The following MTUS1 variants were observed in gnomAD, a reference collection of about 807,000 sequenced individuals.
MTUS1 encodes microtubule-associated tumor suppressor 1.
Under a neutral mutation model 120.8 loss-of-function variants are expected in MTUS1, and 109 were observed. That is an observed-to-expected ratio of 0.90 (90% CI 0.77 to 1.06). The LOEUF (loss-of-function observed/expected upper bound fraction) is 1.06. MTUS1 is among the 50% of genes least tolerant of loss of function. The pLI is 0.00. For synonymous variants in MTUS1, 737 were observed against 550.5 expected (o/e 1.34, Z -4.74); for missense variants, 2,210 against 1,486.3 (o/e 1.49, Z -8.01).
intron 8 of MTUS1, among the ~76,000 whole-genome samples, chr8:17,673,093 C>G (rs982547242): frequency 1.3e-5 from 2 of 152,180 alleles, no homozygotes; most frequent in African/African-American, 4.8e-5. Flanking sequence ...AAAAAGGCCT[C>G]TTTCCTGATC....
intron 6 of MTUS1, among the ~76,000 whole-genome samples, chr8:17,705,275 T>C (rs1224666814): frequency 2.0e-5 from 3 of 152,208 alleles, no homozygotes; most frequent in Non-Finnish European, 1.5e-5. Context: ...TGAGCCACCA[T>C]GCACAGCCTG....
intron 7 of MTUS1, among the ~76,000 whole-genome samples, chr8:17,683,492 A>T (rs1209838717): frequency 6.6e-6 from 1 of 151,918 alleles, no homozygotes; most frequent in Non-Finnish European, 1.5e-5. Flanking sequence ...TTTTTTCCCT[A>T]TGTTGCTCAG....
At chr8:17,655,643 GA>G (rs1193019251) in intron 9 of MTUS1, among the ~76,000 whole-genome samples, 1 of 152,110 alleles carries the variant, frequency 6.6e-6, no homozygotes, top group African/African-American at 2.4e-5. Flanking sequence ...AGAATCACTT[GA>G]ACCCGGGAGG....
intron 1 of MTUS1, among the ~76,000 whole-genome samples, chr8:17,790,438 A>G (rs2051681675): frequency 6.6e-6 from 1 of 152,230 alleles, no homozygotes; most frequent in South Asian, 2.1e-4. Flanking sequence ...TGAGATACAA[A>G]AAATCTAATT....
intron 13 of MTUS1, among the ~76,000 whole-genome samples, chr8:17,647,652 TCTC>T (rs2130006797): frequency 6.6e-6 from 1 of 152,210 alleles, no homozygotes; most frequent in African/African-American, 2.4e-5. Flanking sequence ...ATGCCACGAG[TCTC>T]CTCAGGTCAG....
intron 1 of MTUS1, among the ~76,000 whole-genome samples, chr8:17,764,340 T>G (rs1014292308): frequency 3.3e-5 from 5 of 151,698 alleles, no homozygotes; most frequent in African/African-American, 1.2e-4. Context: ...AGCTAAGAGG[T>G]TCTAAAATAG....
At chr8:17,720,134 T>C (rs1021538853) in intron 4 of MTUS1, among the ~76,000 whole-genome samples, 1 of 152,028 alleles carries the variant, frequency 6.6e-6, no homozygotes, top group Non-Finnish European at 1.5e-5. Context: ...CACTTGTGGT[T>C]AGGAGTTCGA....
chr8:17,699,199 A>G (rs1818544213), intron 6 of MTUS1, among the ~76,000 whole-genome samples: 1 of 152,052 alleles, frequency 6.6e-6, no homozygotes, highest in African/African-American at 2.4e-5. Context: ...AGCAAATTCT[A>G]AATTATCCTT....
chr8:17,702,162 G>A (rs1432460000), intron 6 of MTUS1, among the ~76,000 whole-genome samples: 2 of 152,162 alleles, frequency 1.3e-5, no homozygotes, highest in African/African-American at 4.8e-5. Context: ...CCGGGTGGAA[G>A]GTGTTTGCTC....
chr8:17,722,615 T>G (rs932882465), intron 4 of MTUS1: 2 of 974,824 alleles, frequency 2.1e-6, no homozygotes, highest in Non-Finnish European at 1.2e-6. Context: ...GTCGGAAATG[T>G]GCTCATTAAT....
chr8:17,698,111 G>T (rs1031437646), intron 6 of MTUS1, among the ~76,000 whole-genome samples: 1 of 152,002 alleles, frequency 6.6e-6, no homozygotes, highest in Non-Finnish European at 1.5e-5. Context: ...ACATGCTGAG[G>T]ACCTCACAAA....
At chr8:17,652,397 C>A (rs1489281196) in intron 12 of MTUS1, among the ~76,000 whole-genome samples, 1 of 152,032 alleles carries the variant, frequency 6.6e-6, no homozygotes, top group African/African-American at 2.4e-5. Flanking sequence ...TTAAAAGGAC[C>A]ACATGTTCTA....
At chr8:17,736,095 G>A (rs1423074076) in intron 3 of MTUS1, among the ~76,000 whole-genome samples, 2 of 152,132 alleles carry the variant, frequency 1.3e-5, no homozygotes, top group Non-Finnish European at 2.9e-5. Context: ...ACAGAGCAGC[G>A]ACTCTAAGCA....
intron 8 of MTUS1, chr8:17,674,366 G>A (rs533327298): frequency 3.1e-6 from 2 of 651,508 alleles, no homozygotes; most frequent in Admixed American, 1.3e-4. Context: ...GTTGCAGTGA[G>A]TCGAGATCGC....
chr8:17,723,464 G>C (rs1246443702), intron 4 of MTUS1: 1 of 619,080 alleles, frequency 1.6e-6, no homozygotes, highest in Non-Finnish European at 2.9e-6. Flanking sequence ...AATCCTTCAT[G>C]CAAAAATATA....
At chr8:17,713,788 T>A (rs1306904953) in intron 5 of MTUS1, among the ~76,000 whole-genome samples, 6 of 152,312 alleles carry the variant, frequency 3.9e-5, no homozygotes, top group African/African-American at 1.4e-4. Context: ...CTACTTAACA[T>A]GAAATAGTTG....
intron 2 of MTUS1, chr8:17,748,323 C>T (rs1376865900): frequency 1.3e-5 from 2 of 152,260 alleles, no homozygotes; most frequent in Non-Finnish European, 2.9e-5. Context: ...GCTACCCTCT[C>T]TGCTGAGAGC....
chr8:17,721,540 G>A (rs556381253), intron 4 of MTUS1, among the ~76,000 whole-genome samples: 1 of 152,020 alleles, frequency 6.6e-6, no homozygotes, highest in African/African-American at 2.4e-5. Context: ...AACAAAATTG[G>A]TCCTACACAG....
intron 1 of MTUS1, chr8:17,800,751 G>A (rs1586487098): frequency 6.6e-6 from 1 of 152,404 alleles, no homozygotes; most frequent in East Asian, 1.9e-4. Flanking sequence ...GGCCCTGCGA[G>A]AAGGCTGGGA....
Sources: gnomAD v4.1 joint callset for allele counts (sites outside exome capture counted in the v4.1 genomes callset) on GRCh38, gnomAD v4.1.1 for gene constraint, MANE v1.5 for transcripts, NCBI Gene and HGNC (gene_info 2026-07-23, HGNC 2026-07-21) for gene names.